CDC42SE2: variants seen among roughly 807,000 people sequenced by gnomAD.
The protein encoded by CDC42SE2 is CDC42 small effector 2.
CDC42SE2 carries 3 observed loss-of-function variants against 11.5 expected under a neutral mutation model. That is an observed-to-expected ratio of 0.26 (90% CI 0.12 to 0.67). CDC42SE2 has a LOEUF of 0.67. CDC42SE2 is among the 30% of genes least tolerant of loss of function. The pLI, the probability that CDC42SE2 is intolerant of heterozygous loss-of-function variation, is 0.80. For missense variants in CDC42SE2, 82 were observed against 106.8 expected, an observed-to-expected ratio of 0.77 and a Z score of 1.02; for synonymous variants, 33 against 34.8, an observed-to-expected ratio of 0.95 and a Z score of 0.18.
chr5:131,365,765 G>A (rs1267692729), intron 3 of CDC42SE2, among the ~76,000 whole-genome samples: 1 of 152,134 alleles, frequency 6.6e-6, no homozygotes, highest in Non-Finnish European at 1.5e-5. Flanking sequence ...GGCGGATCAC[G>A]AGGTCAGAAG....
intron 1 of CDC42SE2, among the ~76,000 whole-genome samples, chr5:131,296,994 T>C (rs1287578278): frequency 6.6e-6 from 1 of 152,102 alleles, no homozygotes; most frequent in Admixed American, 6.6e-5. Flanking sequence ...TTATTAAAAC[T>C]AAAATTTTGA....
chr5:131,384,716 C>G (rs1295196275), intron 3 of CDC42SE2, among the ~76,000 whole-genome samples: 1 of 151,964 alleles, frequency 6.6e-6, no homozygotes, highest in Non-Finnish European at 1.5e-5. Context: ...TTGGTCAGAA[C>G]AGGGACACCA....
At chr5:131,329,065 A>G (rs1239552142) in intron 2 of CDC42SE2, among the ~76,000 whole-genome samples, 6 of 152,186 alleles carry the variant, frequency 3.9e-5, no homozygotes, top group African/African-American at 1.4e-4. Flanking sequence ...AGGATGGCTT[A>G]TTAGTCTGTG....
At chr5:131,297,408 A>G (rs933682673) in intron 1 of CDC42SE2, among the ~76,000 whole-genome samples, 2 of 152,098 alleles carry the variant, frequency 1.3e-5, no homozygotes, top group Non-Finnish European at 2.9e-5. Context: ...TTGTTAGTGT[A>G]CAAAGTCTTT....
intron 2 of CDC42SE2, among the ~76,000 whole-genome samples, chr5:131,257,331 A>T (rs998868055): frequency 2.6e-5 from 4 of 151,884 alleles, no homozygotes; most frequent in African/African-American, 9.7e-5. Context: ...TCCTGATCTC[A>T]AGTGATCTGT....
chr5:131,238,500 T>TAA, the CDC42SE2 span, among the ~76,000 whole-genome samples: 561 of 103,474 alleles, frequency 5.4e-3, 8 homozygotes, highest in African/African-American at 0.017. Flanking sequence ...CAGACTCGTC[T>TAA]AAAAAAAAAA....
At chr5:131,277,583 T>C (rs1009295290) in intron 1 of CDC42SE2, among the ~76,000 whole-genome samples, 1 of 152,236 alleles carries the variant, frequency 6.6e-6, no homozygotes, top group East Asian at 1.9e-4. Flanking sequence ...CAGCCTATTA[T>C]CTCACCTTTG....
chr5:131,215,164 G>A, the CDC42SE2 span, among the ~76,000 whole-genome samples: 3 of 152,182 alleles, frequency 2.0e-5, no homozygotes, highest in Non-Finnish European at 4.4e-5. Flanking sequence ...GTCCACCAAA[G>A]AGGGAGAAGG....
At chr5:131,283,736 G>C (rs1757287567) in intron 1 of CDC42SE2, among the ~76,000 whole-genome samples, 1 of 152,002 alleles carries the variant, frequency 6.6e-6, no homozygotes, top group Admixed American at 6.6e-5. Context: ...CAGGTGATCC[G>C]CCCATCTCGG....
intron 2 of CDC42SE2, among the ~76,000 whole-genome samples, chr5:131,343,355 G>A (rs1366823666): frequency 6.6e-6 from 1 of 152,116 alleles, no homozygotes. Flanking sequence ...TGCTGTGTTT[G>A]TGTCACAGCA....
At chr5:131,269,315 C>T (rs977940356) in intron 1 of CDC42SE2, among the ~76,000 whole-genome samples, 1 of 151,980 alleles carries the variant, frequency 6.6e-6, no homozygotes, top group African/African-American at 2.4e-5. Flanking sequence ...CCTCTTTTTC[C>T]TAGAAAGTAT....
chr5:131,375,625 A>G lies in CDC42SE2; in HGVS notation c.55-9918A>G, dbSNP rs146090271. ...AAGCTCTAGAAGCCAGACAAGTAGAATTATTTTTCCCACCGTAGAAGATAC... is the reference window on the plus strand; with the variant it reads ...AAGCTCTAGAAGCCAGACAAGTAGAGTTATTTTTCCCACCGTAGAAGATAC... On this transcript the variant is annotated intron_variant, in intron 3 of 4. Transcript: ENST00000505065. 1.4e-3 allele frequency among the ~76,000 whole-genome samples: 212 copies of G among 152,232 alleles called. 1 individual carries two copies. The highest frequency in any genetic ancestry group is 3.4e-3 in the Middle Eastern group (1 of 294).
chr5:131,393,819 T>G lies in CDC42SE2; in HGVS notation c.*2728T>G, dbSNP rs940879476. On this transcript the variant is annotated 3_prime_UTR_variant, in exon 5 of 5. Coordinates refer to ENST00000505065, the MANE Select transcript of CDC42SE2 (RefSeq NM_001375635.1). ...TTTTAGTCTTTTTCCAAATCGCTGT[T>G]TTTTTTTTTTTTTTTTTTTTTTTTG... 5 of 114,982 alleles carry G rather than the reference T, an allele frequency of 4.3e-5. No homozygotes were observed. The highest frequency in any genetic ancestry group is 2.8e-4 in the South Asian group (1 of 3,530). The allele number at this position is 114,982 out of a possible 1,614,324, so 7.1% of individuals were successfully genotyped here.
intron 1 of CDC42SE2, among the ~76,000 whole-genome samples, chr5:131,278,282 C>T (rs1757145051): frequency 6.6e-6 from 1 of 152,136 alleles, no homozygotes; most frequent in South Asian, 2.1e-4. Context: ...CTGCGCCTGG[C>T]CTATTCTTCC....
intron 1 of CDC42SE2, among the ~76,000 whole-genome samples, chr5:131,278,909 C>T (rs10058174): frequency 0.77 from 110,606 of 144,340 alleles, 42,736 homozygotes; most frequent in Middle Eastern, 0.82. Flanking sequence ...CTCAGCCTCC[C>T]GAGTAGGTGA....
chr5:131,243,739 T>C (rs1273287652), upstream of CDC42SE2, among the ~76,000 whole-genome samples: 1 of 152,248 alleles, frequency 6.6e-6, no homozygotes, highest in Non-Finnish European at 1.5e-5. Context: ...CTGTTTTCAA[T>C]ACAAATTTAA....
chr5:131,248,274 G>A (rs1042419120), intron 1 of CDC42SE2, among the ~76,000 whole-genome samples: 1 of 152,012 alleles, frequency 6.6e-6, no homozygotes, highest in African/African-American at 2.4e-5. Context: ...TGAGTAGCTG[G>A]GACTGCAGGC....
intron 2 of CDC42SE2, among the ~76,000 whole-genome samples, chr5:131,334,335 G>C (rs1310427128): frequency 9.2e-5 from 14 of 152,132 alleles, no homozygotes; most frequent in Admixed American, 9.2e-4. Flanking sequence ...TGGTTGATAA[G>C]CTTTTTGATG....
At position 131,348,144 on chromosome 5, in the gene CDC42SE2, G is replaced by C. The variant is rs573957189; in HGVS notation, c.-285-11065G>C. Among the ~76,000 whole-genome samples the C allele has an allele frequency of 8.7e-4, 132 of 152,270 alleles. 1 individual carries two copies. In the South Asian group the frequency reaches 0.022, roughly 25 times the overall value. On this transcript the variant is annotated intron_variant, in intron 2 of 4. Coordinates refer to ENST00000505065, the MANE Select transcript of CDC42SE2 (RefSeq NM_001375635.1). ...AACATAGTGTTGGAAGTTCTGGCAAGGGCAATCAGGCAGGAGAAGGGAATA... is the reference window on the plus strand; with the variant it reads ...AACATAGTGTTGGAAGTTCTGGCAACGGCAATCAGGCAGGAGAAGGGAATA...
Sources: gnomAD v4.1 joint callset for allele counts (sites outside exome capture counted in the v4.1 genomes callset) on GRCh38, gnomAD v4.1.1 for gene constraint, MANE v1.5 for transcripts, NCBI Gene and HGNC (gene_info 2026-07-23, HGNC 2026-07-21) for gene names.